Variants in PAK3 observed in about 807,000 individuals in gnomAD.
The protein encoded by PAK3 is p21 (RAC1) activated kinase 3.
Under a neutral mutation model 41.0 loss-of-function variants are expected in PAK3, and 4 were observed. The observed-to-expected ratio is 0.10, with a 90% CI of 0.05 to 0.22. The LOEUF (loss-of-function observed/expected upper bound fraction) is 0.22, where lower values mean the gene tolerates loss of function less well. Ranked by LOEUF, PAK3 falls within the 10% of genes least tolerant of loss-of-function variation. The probability of loss-of-function intolerance (pLI) is 1.00; values close to 1 mark genes in which losing one functional copy is unlikely to be tolerated. For synonymous variants in PAK3, 146 were observed against 139.6 expected, an observed-to-expected ratio of 1.05 and a Z score of -0.32; for missense variants, 205 against 409.9, an observed-to-expected ratio of 0.50 and a Z score of 4.32.
At chrX:110,991,375 A>T (rs1486539861) in intron 1 of PAK3, among the ~76,000 whole-genome samples, 1 of 111,742 alleles carries the variant, frequency 8.9e-6, no homozygotes, top group Non-Finnish European at 1.9e-5. Flanking sequence ...TTTTCATCTT[A>T]TACTGAAGTT....
chrX:111,115,020 A>G lies in PAK3; in HGVS notation c.-27-8057A>G, dbSNP rs2093437772. On this transcript the variant is annotated intron_variant, in intron 4 of 17. Coordinates refer to ENST00000372007, the MANE Select transcript of PAK3 (RefSeq NM_002578.5). ...GGTAAGGGCTGGGCCCTGTGATCTC[A>G]GCTTGGGGGCTTCCCAGGCCCACAG... Among the ~76,000 whole-genome samples the G allele has an allele frequency of 1.8e-5, 2 of 112,088 alleles. 1 individual carries two copies. The highest frequency in any genetic ancestry group is 1.9e-4 in the Admixed American group (2 of 10,582).
At chrX:111,011,737 T>A (rs1326054616) in intron 1 of PAK3, among the ~76,000 whole-genome samples, 2 of 112,423 alleles carry the variant, frequency 1.8e-5, no homozygotes, top group Non-Finnish European at 3.8e-5. Flanking sequence ...ACCTTCTTTG[T>A]GCACATGCAA....
At chrX:110,992,147 C>T (rs2091661379) in intron 1 of PAK3, among the ~76,000 whole-genome samples, 1 of 110,079 alleles carries the variant, frequency 9.1e-6, no homozygotes, top group Non-Finnish European at 1.9e-5. Context: ...TTGAATCCAG[C>T]CCTAAAGGAG....
At chrX:110,966,756 AC>A (rs922770467) in intron 1 of PAK3, among the ~76,000 whole-genome samples, 7 of 111,673 alleles carry the variant, frequency 6.3e-5, no homozygotes, top group Non-Finnish European at 1.1e-4. Context: ...CAAAATGTTA[AC>A]AGTAATCATC....
At chrX:111,142,219 T>G (rs376484767) in intron 6 of PAK3, 23 bp downstream of exon 6, 130 of 865,460 alleles carry the variant, frequency 1.5e-4, no homozygotes, top group Non-Finnish European at 2.1e-4. Flanking sequence ...CTTGTTTTGT[T>G]TTGTAAGCCA....
At chrX:111,175,545 GTTAT>G (rs1035490358) in intron 11 of PAK3, among the ~76,000 whole-genome samples, 3 of 111,379 alleles carry the variant, frequency 2.7e-5, no homozygotes, top group Non-Finnish European at 3.8e-5. Flanking sequence ...TTAACTGGGA[GTTAT>G]TTGTTTATTA....
intron 16 of PAK3, among the ~76,000 whole-genome samples, chrX:111,210,349 T>A (rs1246607219): frequency 9.0e-6 from 1 of 111,186 alleles, no homozygotes; most frequent in Non-Finnish European, 1.9e-5. Flanking sequence ...TCTTTCTGCA[T>A]TGGCCATGTT....
chrX:110,998,379 T>A (rs2091780681), intron 1 of PAK3, among the ~76,000 whole-genome samples: 1 of 112,213 alleles, frequency 8.9e-6, no homozygotes, highest in Non-Finnish European at 1.9e-5. Flanking sequence ...TGGTCACTTA[T>A]GTCAAGCACT....
chrX:111,139,779 A>G (rs1453915687), intron 5 of PAK3, among the ~76,000 whole-genome samples: 1 of 112,149 alleles, frequency 8.9e-6, no homozygotes, highest in Non-Finnish European at 1.9e-5. Context: ...AAAAGTTGGG[A>G]GAGTTTATTT....
intron 4 of PAK3, among the ~76,000 whole-genome samples, chrX:111,113,571 G>T (rs1207046187): frequency 9.0e-6 from 1 of 111,199 alleles, no homozygotes. Flanking sequence ...ATTTTGCAAT[G>T]CACATATCCT....
chrX:111,196,854 C>CTTTT (rs375476309), intron 16 of PAK3, among the ~76,000 whole-genome samples: 43 of 79,112 alleles, frequency 5.4e-4, no homozygotes, highest in East Asian at 8.2e-4. Context: ...TTCTTTCTTT[C>CTTTT]TTTTTTTTTT....
chrX:110,945,799 G>T (rs557866327), intron 1 of PAK3, among the ~76,000 whole-genome samples: 3 of 111,574 alleles, frequency 2.7e-5, no homozygotes, highest in African/African-American at 9.8e-5. Context: ...GAAAGAAGAG[G>T]TCAATAAAAA....
intron 1 of PAK3, among the ~76,000 whole-genome samples, chrX:111,065,403 G>A (rs1354780553): frequency 9.1e-6 from 1 of 110,412 alleles, no homozygotes; most frequent in Non-Finnish European, 1.9e-5. Flanking sequence ...CAGGAATTAA[G>A]CCTATTTAAA....
chrX:111,006,849 C>CTTTCTTTCTTTCTTTTTTT (rs1556434441), intron 1 of PAK3, among the ~76,000 whole-genome samples: 27 of 42,713 alleles, frequency 6.3e-4, no homozygotes, highest in East Asian at 9.2e-4. Context: ...TTCTTTCTTT[C>CTTTCTTTCTTTCTTTTTTT]TTTTTTTTTT....
chrX:111,081,610 TA>T (rs760465556), intron 1 of PAK3, among the ~76,000 whole-genome samples: 3 of 110,956 alleles, frequency 2.7e-5, no homozygotes, highest in Admixed American at 9.6e-5. Context: ...GTTCTTACTA[TA>T]AAAAAAAGAT....
intron 11 of PAK3, among the ~76,000 whole-genome samples, chrX:111,189,932 T>C (rs954567987): frequency 8.9e-6 from 1 of 111,806 alleles, no homozygotes; most frequent in Admixed American, 9.5e-5. Context: ...GTAGAAGAAA[T>C]GTTTTCTTCA....
At position 110,983,094 on chromosome X, in the gene PAK3, C is replaced by A. The variant is rs192357809; in HGVS notation, c.-28+38466C>A. ...AGAAGATGTAGCTCTGGGCACCACA[C>A]TCCTAGCTTACATTTGATCCCTCCT... is the stretch of plus-strand genomic sequence containing the variant. On this transcript the variant is annotated intron_variant, in intron 1 of 14. Coordinates refer to the PAK3 transcript ENST00000425146. 6.3e-5 allele frequency among the ~76,000 whole-genome samples: 7 copies of A among 111,827 alleles called. No homozygotes were observed. In the East Asian group the frequency reaches 1.7e-3, roughly 27 times the overall value.
intron 5 of PAK3, among the ~76,000 whole-genome samples, chrX:111,128,688 G>T (rs946706469): frequency 1.8e-5 from 2 of 112,130 alleles, no homozygotes; most frequent in Non-Finnish European, 3.8e-5. Context: ...AAAGCCAGGA[G>T]TGGTTTTCAT....
intron 5 of PAK3, among the ~76,000 whole-genome samples, chrX:111,136,755 G>C (rs1220830212): frequency 8.9e-6 from 1 of 111,907 alleles, no homozygotes; most frequent in Non-Finnish European, 1.9e-5. Flanking sequence ...ATAATAAAAA[G>C]ATCTGGGGCA....
Sources: gnomAD v4.1 joint callset for allele counts (sites outside exome capture counted in the v4.1 genomes callset) on GRCh38, gnomAD v4.1.1 for gene constraint, MANE v1.5 for transcripts, NCBI Gene and HGNC (gene_info 2026-07-23, HGNC 2026-07-21) for gene names.